The following TPH2 variants were observed in gnomAD, a reference collection of about 807,000 sequenced individuals.
TPH2 encodes tryptophan hydroxylase 2.
TPH2 carries 27 observed loss-of-function variants against 59.1 expected under a neutral mutation model. The observed-to-expected ratio is 0.46, with a 90% confidence interval of 0.34 to 0.63. TPH2 has a LOEUF of 0.63. TPH2 is among the 30% of genes least tolerant of loss of function. The pLI is 0.01. For missense variants in TPH2, 523 were observed against 588.3 expected (o/e 0.89, Z 1.15); for synonymous variants, 220 against 210.5 (o/e 1.05, Z -0.39).
chr12:72,027,188 A>T (rs1184565305), intron 9 of TPH2, among the ~76,000 whole-genome samples: 1 of 152,200 alleles, frequency 6.6e-6, no homozygotes, highest in African/African-American at 2.4e-5. Context: ...TTTTAAACTG[A>T]TGAACCCAGG....
chr12:72,030,156 T>C (rs141472459), intron 9 of TPH2, among the ~76,000 whole-genome samples: 37 of 152,264 alleles, frequency 2.4e-4, no homozygotes, highest in African/African-American at 8.7e-4. Context: ...CACGGCAGTT[T>C]CTGCTACCCC....
chr12:72,027,521 C>T (rs1295073800), intron 9 of TPH2, among the ~76,000 whole-genome samples: 1 of 152,148 alleles, frequency 6.6e-6, no homozygotes, highest in Non-Finnish European at 1.5e-5. Context: ...TGCCCAAGGA[C>T]ACGTAGTTAG....
At chr12:72,031,110 A>G in intron 9 of TPH2, 148 bp from the exon 10 acceptor site, 1 of 1,123,846 alleles carries the variant, frequency 8.9e-7, no homozygotes, top group Admixed American at 1.9e-5. Flanking sequence ...TACCCTGCAC[A>G]CAGGAGAGTT....
Position 71,979,064 on chromosome 12 carries a change from A to G in TPH2, c.918A>G (p.Ser306=), listed in dbSNP as rs774232627. The G allele has an allele frequency of 5.6e-6, 9 of 1,614,178 alleles. No homozygotes were observed. Among genetic ancestry groups the G allele is most frequent in the East Asian group, 2.2e-5 (1 of 44,874 alleles). The change falls in exon 7 of 11, where the codon TCA becomes TCG. Residue 306 remains serine, a synonymous_variant. Coordinates refer to ENST00000333850, the MANE Select transcript of TPH2 (RefSeq NM_173353.4). ...GTACCCAGTACATCCGGCATGGCTC[A>G]GATCCCCTCTACACCCCAGAACCGT... is the stretch of plus-strand genomic sequence containing the variant. The part of the protein sequence containing the change: ...FHCTQYIRHG[S]DPLYTPEPDT...
At chr12:71,981,614 G>C (rs1356597074) in intron 7 of TPH2, among the ~76,000 whole-genome samples, 2 of 152,154 alleles carry the variant, frequency 1.3e-5, no homozygotes, top group Non-Finnish European at 2.9e-5. Context: ...GGTGAGACGA[G>C]GGGAGGGCCC....
chr12:71,946,096 C>T (rs1033072481), intron 4 of TPH2, among the ~76,000 whole-genome samples: 2 of 152,118 alleles, frequency 1.3e-5, no homozygotes, highest in African/African-American at 2.4e-5. Context: ...TGCAGAATGA[C>T]CTTGGCCAAG....
intron 8 of TPH2, among the ~76,000 whole-genome samples, chr12:71,997,972 A>G (rs1214761195): frequency 6.6e-6 from 1 of 152,134 alleles, no homozygotes; most frequent in Non-Finnish European, 1.5e-5. Flanking sequence ...GCTAGAAGAG[A>G]TGGTCTTCTC....
chr12:72,022,533 C>A, intron 9 of TPH2, 39 bp downstream of exon 9: 1 of 1,417,340 alleles, frequency 7.1e-7, no homozygotes, highest in Non-Finnish European at 1.0e-6. Flanking sequence ...CCCATGCAAA[C>A]TGGTTCAAGG....
intron 5 of TPH2, chr12:71,962,238 T>G (rs1162176323): frequency 1.0e-6 from 1 of 985,458 alleles, no homozygotes; most frequent in Non-Finnish European, 1.2e-6. Context: ...GTTGCTGTAC[T>G]GATTTGTGAG....
chr12:72,005,104 G>C (rs979728515), intron 8 of TPH2, among the ~76,000 whole-genome samples: 1 of 152,136 alleles, frequency 6.6e-6, no homozygotes, highest in Non-Finnish European at 1.5e-5. Flanking sequence ...TTTCACACTG[G>C]GGAAACGTCT....
intron 8 of TPH2, among the ~76,000 whole-genome samples, chr12:72,000,484 G>C (rs1480089485): frequency 6.6e-6 from 1 of 152,178 alleles, no homozygotes; most frequent in Non-Finnish European, 1.5e-5. Context: ...TCTAGAGTGA[G>C]GCCTGAGACT....
chr12:71,950,417 T>C (rs1871314202), intron 5 of TPH2, among the ~76,000 whole-genome samples: 1 of 152,008 alleles, frequency 6.6e-6, no homozygotes, highest in African/African-American at 2.4e-5. Context: ...GGGGGGTTGT[T>C]CTCTGGTGGG....
At chr12:72,016,263 T>C (rs2139239928) in intron 8 of TPH2, among the ~76,000 whole-genome samples, 1 of 152,308 alleles carries the variant, frequency 6.6e-6, no homozygotes, top group South Asian at 2.1e-4. Context: ...CATATTTCTA[T>C]ATAATTGATG....
At chr12:71,978,643 A>G (rs1311418994) in intron 6 of TPH2, among the ~76,000 whole-genome samples, 1 of 152,214 alleles carries the variant, frequency 6.6e-6, no homozygotes, top group Middle Eastern at 3.2e-3. Context: ...TTTCGATTGT[A>G]ATCAATTTAT....
chr12:71,956,735 G>C (rs188187641), intron 5 of TPH2, among the ~76,000 whole-genome samples: 3 of 151,794 alleles, frequency 2.0e-5, no homozygotes, highest in Non-Finnish European at 4.4e-5. Context: ...TCAGCCTCCC[G>C]AGTAGCTGGG....
intron 8 of TPH2, among the ~76,000 whole-genome samples, chr12:72,013,320 T>C (rs1401780152): frequency 1.3e-5 from 2 of 152,208 alleles, no homozygotes; most frequent in Admixed American, 6.5e-5. Context: ...CACATGTTTT[T>C]CCCTCTCTTG....
chr12:71,944,255 G>A, intron 2 of TPH2, 39 bp from the exon 3 acceptor site: 1 of 1,610,860 alleles, frequency 6.2e-7, no homozygotes, highest in Non-Finnish European at 8.5e-7. Flanking sequence ...TCCTTTTATT[G>A]TCCCTGAAGG....
chr12:71,964,925 TCA>T (rs1871775965), intron 5 of TPH2: 3 of 188,998 alleles, frequency 1.6e-5, no homozygotes, highest in African/African-American at 7.1e-5. Context: ...TTCCTGCTCC[TCA>T]CCCTCCTCTC....
At chr12:72,000,285 G>T (rs1202524284) in intron 8 of TPH2, among the ~76,000 whole-genome samples, 1 of 152,206 alleles carries the variant, frequency 6.6e-6, no homozygotes, top group Non-Finnish European at 1.5e-5. Flanking sequence ...TGCATGTCTT[G>T]TGGACAAAAT....
Sources: gnomAD v4.1 joint callset for allele counts (sites outside exome capture counted in the v4.1 genomes callset) on GRCh38, gnomAD v4.1.1 for gene constraint, MANE v1.5 for transcripts, NCBI Gene and HGNC (gene_info 2026-07-23, HGNC 2026-07-21) for gene names.